The following STXBP4 variants were observed in gnomAD, a reference collection of about 807,000 sequenced individuals.
STXBP4 encodes the protein syntaxin-binding protein 4.
A neutral mutation model predicts 76.1 loss-of-function variants in STXBP4; 55 were observed. The ratio of observed to expected loss-of-function variants is 0.72; its 90% CI spans 0.58 to 0.91. STXBP4 has a LOEUF of 0.91. Ranked by LOEUF, STXBP4 falls within the 40% of genes least tolerant of loss-of-function variation. The probability of loss-of-function intolerance (pLI) is 0.00; values close to 1 mark genes in which losing one functional copy is unlikely to be tolerated. For synonymous variants in STXBP4, 201 were observed against 220.2 expected, an observed-to-expected ratio of 0.91 and a Z score of 0.77; for missense variants, 618 against 636.9, an observed-to-expected ratio of 0.97 and a Z score of 0.32.
intron 8 of STXBP4, among the ~76,000 whole-genome samples, chr17:55,012,285 G>C (rs1471351773): frequency 6.6e-6 from 1 of 152,118 alleles, no homozygotes; most frequent in African/African-American, 2.4e-5. Context: ...GTGTCCTCAT[G>C]AGGTTCCCCA....
At chr17:55,207,368 G>A in the STXBP4 span, among the ~76,000 whole-genome samples, 1 of 152,036 alleles carries the variant, frequency 6.6e-6, no homozygotes, top group Non-Finnish European at 1.5e-5. Context: ...GTCCACCTCA[G>A]TGCCCTGACC....
chr17:55,050,270 T>A, intron 12 of STXBP4, among the ~76,000 whole-genome samples: 1 of 151,996 alleles, frequency 6.6e-6, no homozygotes, highest in Non-Finnish European at 1.5e-5. Flanking sequence ...GTTTTAATAG[T>A]TAAAGAGAAA....
chr17:55,063,320 A>G (rs1366191196), intron 12 of STXBP4, among the ~76,000 whole-genome samples: 3 of 152,228 alleles, frequency 2.0e-5, no homozygotes, highest in Non-Finnish European at 4.4e-5. Context: ...TTATTATCCT[A>G]TTTATAATAT....
In STXBP4 at chr17:55,007,488, C is replaced by T. The variant is rs1009864745; in HGVS notation, c.575-18C>T. On this transcript the variant is annotated intron_variant, in intron 7 of 17. Coordinates refer to ENST00000376352, the MANE Select transcript of STXBP4 (RefSeq NM_178509.6). ...TCCAATTAAGTTCCCAATTAATGTG[C>T]ACCCTGTTGTCTCTTAGATGTTGCT... 5.1e-6 allele frequency: 8 copies of T among 1,580,870 alleles called. No individual in the cohort carries two copies. The highest frequency in any genetic ancestry group is 6.9e-6 in the Non-Finnish European group (8 of 1,152,016).
chr17:55,047,358 TA>T (rs1250259030), intron 12 of STXBP4, among the ~76,000 whole-genome samples: 1 of 151,940 alleles, frequency 6.6e-6, no homozygotes, highest in Non-Finnish European at 1.5e-5. Flanking sequence ...GTCTTGCTAC[TA>T]TTGCTCAAAA....
intron 12 of STXBP4, among the ~76,000 whole-genome samples, chr17:55,052,916 C>CGTGTGTGTGTGT (rs59163531): frequency 5.2e-5 from 5 of 95,702 alleles, no homozygotes; most frequent in East Asian, 3.1e-4. Flanking sequence ...ACGTGTATGA[C>CGTGTGTGTGTGT]GTGTGTGTGT....
chr17:55,120,022 G>A (rs1308930049), intron 16 of STXBP4, among the ~76,000 whole-genome samples: 1 of 151,954 alleles, frequency 6.6e-6, no homozygotes, highest in Non-Finnish European at 1.5e-5. Context: ...CACCTTTATT[G>A]TTAACATATA....
At chr17:55,193,495 A>T in the STXBP4 span, among the ~76,000 whole-genome samples, 1 of 152,104 alleles carries the variant, frequency 6.6e-6, no homozygotes, top group Non-Finnish European at 1.5e-5. Context: ...AAAACAAAGG[A>T]GAAGCTTGGA....
At chr17:55,018,193 C>A (rs900274192) in intron 8 of STXBP4, among the ~76,000 whole-genome samples, 6 of 152,122 alleles carry the variant, frequency 3.9e-5, no homozygotes, top group Admixed American at 3.9e-4. Flanking sequence ...AACCCAGTGA[C>A]TAGTATTGAG....
chr17:54,990,908 G>A lies in STXBP4; in HGVS notation c.131G>A (p.Gly44Asp), dbSNP rs780239502. Residue 44 changes from glycine (G) to aspartate (D), a missense_variant, in exon 4 of 18, where the codon GGC becomes GAC. Gly to Asp is a moderately conservative substitution (Grantham distance 94). Coordinates refer to ENST00000376352, the MANE Select transcript of STXBP4 (RefSeq NM_178509.6). ...KVLGGINRNEGPLVYIQEIIP... is the reference protein window; with the variant it reads ...KVLGGINRNEDPLVYIQEIIP... Reference sequence around the variant, plus strand: ...CTAGGAGGAATTAACCGGAATGAAGGCCCATTGGTATATATTCAGGAAATT... The same window carrying A: ...CTAGGAGGAATTAACCGGAATGAAGACCCATTGGTATATATTCAGGAAATT... 1.9e-6 allele frequency: 3 copies of A among 1,604,572 alleles called. No individual in the cohort carries two copies. Among genetic ancestry groups the A allele is most frequent in the Non-Finnish European group, 2.5e-6 (3 of 1,176,574 alleles).
At chr17:55,079,201 T>C (rs572798309) in intron 15 of STXBP4, among the ~76,000 whole-genome samples, 3 of 152,282 alleles carry the variant, frequency 2.0e-5, no homozygotes, top group African/African-American at 7.2e-5. Context: ...AGAAATATAT[T>C]TGGAGAATAT....
chr17:55,029,747 C>G (rs2078474736), intron 8 of STXBP4, among the ~76,000 whole-genome samples: 1 of 151,972 alleles, frequency 6.6e-6, no homozygotes. Context: ...TTAATATACC[C>G]TATACATACT....
rs2080323298 is a variant in STXBP4, at chr17:55,159,981, G to GA, written c.*73dup. The GA allele has an allele frequency of 1.0e-6, 1 of 959,768 alleles. No homozygotes were observed. The highest frequency in any genetic ancestry group is 1.7e-6 in the Non-Finnish European group (1 of 604,682). The allele number at this position is 959,768 out of a possible 1,614,324, so 59.5% of individuals were successfully genotyped here. A position where few individuals can be genotyped will look rare whatever the true frequency, so the allele number is the denominator to read the frequency against. On this transcript the variant is annotated 3_prime_UTR_variant, in exon 18 of 18. Transcript: ENST00000376352. ...GACGCATAACATCCAATTCTGAGAT[G>GA]AAACAGTCTAAAATAGGAGTAAAGC...
chr17:55,004,348 T>C (rs941606909), intron 7 of STXBP4, among the ~76,000 whole-genome samples: 3 of 152,146 alleles, frequency 2.0e-5, no homozygotes, highest in African/African-American at 7.2e-5. Context: ...CAAATTGTAT[T>C]GATCCTTTCC....
chr17:55,186,851 C>A, the STXBP4 span, among the ~76,000 whole-genome samples: 3 of 152,130 alleles, frequency 2.0e-5, no homozygotes, highest in Non-Finnish European at 4.4e-5. Flanking sequence ...CTCTTTCCTC[C>A]ATTTCACAGC....
chr17:55,040,465 G>A (rs1248914800), intron 10 of STXBP4, among the ~76,000 whole-genome samples: 2 of 152,162 alleles, frequency 1.3e-5, no homozygotes, highest in African/African-American at 4.8e-5. Context: ...AATAAAATTA[G>A]ACTGACACTG....
intron 12 of STXBP4, among the ~76,000 whole-genome samples, chr17:55,059,364 T>C (rs2078969115): frequency 6.6e-6 from 1 of 152,176 alleles, no homozygotes; most frequent in Non-Finnish European, 1.5e-5. Context: ...CTGACTCATG[T>C]GCCTGACACA....
chr17:55,140,057 A>T (rs2080077896), intron 16 of STXBP4, among the ~76,000 whole-genome samples: 1 of 152,140 alleles, frequency 6.6e-6, no homozygotes, highest in South Asian at 2.1e-4. Flanking sequence ...TAATTCTATC[A>T]CTTTGGGAGG....
chr17:55,106,284 CT>C (rs779246143), intron 16 of STXBP4, among the ~76,000 whole-genome samples: 3,647 of 142,694 alleles, frequency 0.026, 124 homozygotes, highest in African/African-American at 0.078. Flanking sequence ...GCAACCCCTG[CT>C]TTTTTTTTTT....
Sources: gnomAD v4.1 joint callset for allele counts (sites outside exome capture counted in the v4.1 genomes callset) on GRCh38, gnomAD v4.1.1 for gene constraint, MANE v1.5 for transcripts, NCBI Gene and HGNC (gene_info 2026-07-23, HGNC 2026-07-21) for gene names.